PLCB4: variants seen among roughly 807,000 people sequenced by gnomAD.
The protein encoded by PLCB4 is phospholipase C beta 4.
PLCB4 carries 77 observed loss-of-function variants against 178.8 expected under a neutral mutation model. The observed-to-expected ratio is 0.43, with a 90% CI of 0.36 to 0.52. PLCB4 has a LOEUF of 0.52. Among genes scored for constraint, PLCB4 ranks in the 20% least tolerant of loss-of-function variants. The pLI is 0.00. For synonymous variants in PLCB4, 496 were observed against 490.8 expected (o/e 1.01, Z -0.14); for missense variants, 1,024 against 1,453.4 (o/e 0.70, Z 4.80).
At chr20:9,358,032 A>T (rs2148205578) in intron 7 of PLCB4, among the ~76,000 whole-genome samples, 2 of 152,254 alleles carry the variant, frequency 1.3e-5, no homozygotes, top group Middle Eastern at 3.4e-3. Context: ...TGCATTCCTA[A>T]CAAGCTCCCA....
rs2037013183 is a variant in PLCB4, at chr20:9,380,074, G to A, written c.765G>A (p.Leu255=). 1.3e-6 allele frequency: 2 copies of A among 1,586,322 alleles called. No homozygotes were observed. The highest frequency in any genetic ancestry group is 1.4e-5 in the African/African-American group (1 of 74,058). ...FLNEHQRDPR[L]NEILFPFYDA... is the part of the protein sequence containing the mutation. ...CATAGCATCAACGAGATCCTCGATT[G>A]AATGAAATTTTATTTCCATTTTATG... is the stretch of plus-strand genomic sequence containing the variant. Residue 255 remains leucine, a synonymous_variant, in exon 13 of 40, where the codon TTG becomes TTA. Transcript: ENST00000378473.
At chr20:9,176,579 G>A (rs1181589089) in intron 2 of PLCB4, among the ~76,000 whole-genome samples, 5 of 152,102 alleles carry the variant, frequency 3.3e-5, no homozygotes, top group South Asian at 2.1e-4. Flanking sequence ...ATATGTAAAT[G>A]TATATACATA....
chr20:9,330,855 G>C (rs1022171945), intron 4 of PLCB4, among the ~76,000 whole-genome samples: 1 of 152,164 alleles, frequency 6.6e-6, no homozygotes, highest in East Asian at 1.9e-4. Context: ...GTTATCATGA[G>C]ATTTATGTGA....
rs1454853423 is a variant in PLCB4, at chr20:9,478,906, T to A, written c.3533-15T>A. 3 of 1,606,390 alleles carry A rather than the reference T, an allele frequency of 1.9e-6. No individual in the cohort carries two copies. On this transcript the variant is annotated splice_polypyrimidine_tract_variant and intron_variant, in intron 39 of 39. Coordinates refer to ENST00000378473, the MANE Select transcript of PLCB4 (RefSeq NM_001377142.1). ...GGATTTCAACACACGTAAGGCCATG[T>A]TTCTGATGTTATAGGCGAAGGAGAT...
In PLCB4 at chr20:9,407,825, G is replaced by C. The variant is rs1602450032; in HGVS notation, c.1648-92G>C. ...AGCCTTTACCTTTCAATTTGTGTGT[G>C]TGCAATTATCTTTATTAAGGAAATC... On this transcript the variant is annotated intron_variant, in intron 21 of 39. Coordinates refer to ENST00000378473, the MANE Select transcript of PLCB4 (RefSeq NM_001377142.1). 9 of 1,062,330 alleles carry C rather than the reference G, an allele frequency of 8.5e-6. No individual in the cohort carries two copies. The East Asian group carries it at 2.2e-4, about 26-fold the overall frequency. The allele number at this position is 1,062,330 out of a possible 1,614,324, so 65.8% of individuals were successfully genotyped here.
rs144766362 is a variant in PLCB4 at position 9,081,801 on chromosome 20, C to T, written c.-135+12595C>T. ...AAAAAAAAGCCAAAGTTTAGTAAAC[C>T]GAAGCCATCTGCAGACCTATTAAAG... is the stretch of plus-strand genomic sequence containing the variant. On this transcript the variant is annotated intron_variant, in intron 1 of 39. Coordinates refer to ENST00000378473, the MANE Select transcript of PLCB4 (RefSeq NM_001377142.1). Among the ~76,000 whole-genome samples the T allele has an allele frequency of 5.1e-3, 692 of 136,046 alleles. 7 individuals are homozygous for T. Among genetic ancestry groups the T allele is most frequent in the African/African-American group, 0.018 (663 of 37,062 alleles). The allele number at this position is 136,046 out of a possible 152,430, so 89.3% of individuals were successfully genotyped here.
intron 30 of PLCB4, 23 bp from the exon 31 acceptor site, chr20:9,443,958 C>T (rs1183591257): frequency 7.1e-7 from 1 of 1,411,080 alleles, no homozygotes. Context: ...TACATAGTGA[C>T]TTAATTTTTT....
chr20:9,370,361 C>G (rs1415996790), intron 9 of PLCB4, among the ~76,000 whole-genome samples: 1 of 152,112 alleles, frequency 6.6e-6, no homozygotes, highest in Non-Finnish European at 1.5e-5. Context: ...CAGAGGGGCT[C>G]AAGGGTGCTT....
At chr20:9,094,631 G>C (rs1304801218) in intron 1 of PLCB4, among the ~76,000 whole-genome samples, 1 of 152,034 alleles carries the variant, frequency 6.6e-6, no homozygotes, top group Non-Finnish European at 1.5e-5. Context: ...TGGCAGTTTC[G>C]TTTCATCCAT....
intron 28 of PLCB4, among the ~76,000 whole-genome samples, chr20:9,424,536 A>G (rs1210343123): frequency 6.6e-6 from 1 of 152,174 alleles, no homozygotes; most frequent in East Asian, 1.9e-4. Context: ...GAAAGCAAAG[A>G]TCCTCTATAT....
chr20:9,304,703 A>G (rs1013969658), intron 3 of PLCB4, among the ~76,000 whole-genome samples: 7 of 152,082 alleles, frequency 4.6e-5, no homozygotes, highest in Admixed American at 6.6e-5. Context: ...GCGTGCTCAC[A>G]TGCTTAGATA....
At chr20:9,087,649 C>T (rs145867525) in intron 1 of PLCB4, among the ~76,000 whole-genome samples, 1 of 152,324 alleles carries the variant, frequency 6.6e-6, no homozygotes, top group Non-Finnish European at 1.5e-5. Flanking sequence ...CTCTCTTCCT[C>T]TCCTACACAT....
chr20:9,359,627 C>T (rs1293292010), intron 7 of PLCB4, among the ~76,000 whole-genome samples: 3 of 152,172 alleles, frequency 2.0e-5, no homozygotes, highest in African/African-American at 7.2e-5. Flanking sequence ...GGTGGCCGGA[C>T]CAGAAGGAAA....
chr20:9,427,733 G>A (rs113998472), intron 28 of PLCB4, among the ~76,000 whole-genome samples: 3,404 of 152,282 alleles, frequency 0.022, 122 homozygotes, highest in African/African-American at 0.076. Flanking sequence ...TTCACCCACT[G>A]TTGCTTTGGG....
At chr20:9,407,374 T>C (rs2039520756) in intron 21 of PLCB4, among the ~76,000 whole-genome samples, 2 of 136,286 alleles carry the variant, frequency 1.5e-5, no homozygotes, top group Non-Finnish European at 3.1e-5. Flanking sequence ...AGTAATTTCT[T>C]TTTTTTTTTT....
intron 2 of PLCB4, among the ~76,000 whole-genome samples, chr20:9,216,189 T>C (rs895154584): frequency 1.3e-5 from 2 of 151,980 alleles, no homozygotes; most frequent in African/African-American, 4.8e-5. Context: ...TGTACTTCTT[T>C]TTTTTTTTGA....
intron 25 of PLCB4, among the ~76,000 whole-genome samples, chr20:9,417,821 A>G (rs2040357093): frequency 6.6e-6 from 1 of 152,176 alleles, no homozygotes; most frequent in African/African-American, 2.4e-5. Flanking sequence ...TCCTACTAGC[A>G]ACATATGAGA....
chr20:9,380,189 A>G, intron 13 of PLCB4, 27 bp downstream of exon 13: 1 of 1,133,298 alleles, frequency 8.8e-7, no homozygotes, highest in Non-Finnish European at 1.3e-6. Context: ...AAGGACTTAA[A>G]AAAAAAAACA....
At chr20:9,302,261 C>A (rs2094714478) in intron 3 of PLCB4, among the ~76,000 whole-genome samples, 1 of 151,886 alleles carries the variant, frequency 6.6e-6, no homozygotes, top group African/African-American at 2.4e-5. Context: ...AGTTCCTCCC[C>A]TCTTTTAAAA....
Sources: gnomAD v4.1 joint callset for allele counts (sites outside exome capture counted in the v4.1 genomes callset) on GRCh38, gnomAD v4.1.1 for gene constraint, MANE v1.5 for transcripts, NCBI Gene and HGNC (gene_info 2026-07-23, HGNC 2026-07-21) for gene names.